RGS6: variants seen among roughly 807,000 people sequenced by gnomAD.
The protein encoded by RGS6 is regulator of G protein signaling 6.
RGS6 carries 30 observed loss-of-function variants against 78.5 expected under a neutral mutation model. That is an observed-to-expected ratio of 0.38 (90% confidence interval 0.29 to 0.52). The LOEUF is 0.52. Ranked by LOEUF, RGS6 falls within the 20% of genes least tolerant of loss-of-function variation. RGS6 has a pLI of 0.85. For missense variants in RGS6, 495 were observed against 609.7 expected, an observed-to-expected ratio of 0.81 and a Z score of 1.98; for synonymous variants, 206 against 206.0, an observed-to-expected ratio of 1.00 and a Z score of 0.00.
chr14:72,373,014 C>T (rs549903982), intron 3 of RGS6, among the ~76,000 whole-genome samples: 1 of 152,086 alleles, frequency 6.6e-6, no homozygotes, highest in Admixed American at 6.5e-5. Context: ...CTCCCCACCC[C>T]CAGGATCCCT....
chr14:72,492,582 G>T (rs558129942), intron 12 of RGS6, among the ~76,000 whole-genome samples: 1 of 152,162 alleles, frequency 6.6e-6, no homozygotes, highest in African/African-American at 2.4e-5. Context: ...GGGAGACGGG[G>T]GCAGGAGAGA....
chr14:72,400,036 A>T (rs1226196927), intron 3 of RGS6, among the ~76,000 whole-genome samples: 1 of 152,166 alleles, frequency 6.6e-6, no homozygotes, highest in Non-Finnish European at 1.5e-5. Context: ...CAATACAGAG[A>T]ATGCCACAAA....
At chr14:72,142,379 C>T (rs1193510955) in intron 2 of RGS6, among the ~76,000 whole-genome samples, 1 of 151,650 alleles carries the variant, frequency 6.6e-6, no homozygotes, top group Admixed American at 6.6e-5. Context: ...GTCTAAGTAC[C>T]TATGAATTAT....
intron 2 of RGS6, among the ~76,000 whole-genome samples, chr14:72,228,305 C>T (rs1425354641): frequency 6.6e-6 from 1 of 151,990 alleles, no homozygotes; most frequent in Non-Finnish European, 1.5e-5. Context: ...TCCTTGAACC[C>T]AGGAGGTGGA....
intron 2 of RGS6, among the ~76,000 whole-genome samples, chr14:72,145,430 G>A (rs1220763019): frequency 6.6e-6 from 1 of 152,132 alleles, no homozygotes; most frequent in Non-Finnish European, 1.5e-5. Flanking sequence ...GAAACAAGAT[G>A]GAGTAGGTTA....
chr14:72,185,606 G>A (rs1427362071), intron 2 of RGS6, among the ~76,000 whole-genome samples: 1 of 152,170 alleles, frequency 6.6e-6, no homozygotes, highest in East Asian at 1.9e-4. Flanking sequence ...TTGTGAAGTA[G>A]ATGTAACTGA....
intron 3 of RGS6, among the ~76,000 whole-genome samples, chr14:72,409,906 T>G (rs1041667788): frequency 6.6e-6 from 1 of 152,246 alleles, no homozygotes; most frequent in Non-Finnish European, 1.5e-5. Flanking sequence ...TCCTTTTTTA[T>G]GGCTGCATAG....
At chr14:71,946,511 G>A (rs2091543314) in intron 1 of RGS6, among the ~76,000 whole-genome samples, 1 of 152,102 alleles carries the variant, frequency 6.6e-6, no homozygotes, top group Admixed American at 6.5e-5. Flanking sequence ...ATTGGATATG[G>A]CTCCTGTGTT....
intron 2 of RGS6, among the ~76,000 whole-genome samples, chr14:71,971,082 T>C (rs538800211): frequency 1.2e-4 from 18 of 152,236 alleles, no homozygotes; most frequent in African/African-American, 3.9e-4. Flanking sequence ...GGAATAGAGC[T>C]AGACAGATGG....
chr14:72,624,951 T>C, the RGS6 span, among the ~76,000 whole-genome samples: 1 of 152,254 alleles, frequency 6.6e-6, no homozygotes, highest in Non-Finnish European at 1.5e-5. Context: ...TGTAATGTTA[T>C]CTGTGATTAT....
At chr14:72,359,630 ACACAGGGTACTC>A (rs2081076659) in intron 3 of RGS6, among the ~76,000 whole-genome samples, 1 of 152,206 alleles carries the variant, frequency 6.6e-6, no homozygotes, top group African/African-American at 2.4e-5. Flanking sequence ...AATTCCTAAA[ACACAGGGTACTC>A]CAATCTATAG....
intron 15 of RGS6, 44 bp from the exon 16 acceptor site, chr14:72,536,142 G>A: frequency 1.4e-6 from 2 of 1,418,728 alleles, no homozygotes; most frequent in South Asian, 1.2e-5. Context: ...TTTAGCACTG[G>A]TTGACAGCCC....
intron 3 of RGS6, among the ~76,000 whole-genome samples, chr14:72,417,393 T>G (rs1392768599): frequency 6.6e-6 from 1 of 152,162 alleles, no homozygotes; most frequent in African/African-American, 2.4e-5. Flanking sequence ...ATTAAGTGCA[T>G]TTGGGAGGAG....
At chr14:71,883,889 C>T in the RGS6 span, among the ~76,000 whole-genome samples, 3 of 140,652 alleles carry the variant, frequency 2.1e-5, no homozygotes, top group African/African-American at 7.3e-5. Context: ...AGAATTGCCC[C>T]CATCCTCCTT....
chr14:72,134,484 T>G (rs1249972067), intron 2 of RGS6, among the ~76,000 whole-genome samples: 1 of 152,038 alleles, frequency 6.6e-6, no homozygotes, highest in Non-Finnish European at 1.5e-5. Flanking sequence ...CTTTGTTTTA[T>G]GTACAGAAAT....
chr14:72,323,925 A>G (rs1328965460), intron 2 of RGS6, among the ~76,000 whole-genome samples: 2 of 145,676 alleles, frequency 1.4e-5, no homozygotes, highest in East Asian at 4.3e-4. Flanking sequence ...TAGTAGGTGT[A>G]TATATTTATG....
chr14:72,245,080 G>A (rs983919706), intron 2 of RGS6, among the ~76,000 whole-genome samples: 6 of 152,186 alleles, frequency 3.9e-5, no homozygotes, highest in East Asian at 1.9e-4. Context: ...AATTCTAAAC[G>A]ATATCAGCGT....
At chr14:72,420,299 G>C (rs1032397119) in intron 3 of RGS6, among the ~76,000 whole-genome samples, 1 of 152,216 alleles carries the variant, frequency 6.6e-6, no homozygotes, top group Non-Finnish European at 1.5e-5. Flanking sequence ...ATATTAGCCA[G>C]ATGCTAACTG....
At chr14:72,206,387 A>G (rs549512154) in intron 2 of RGS6, among the ~76,000 whole-genome samples, 62 of 152,310 alleles carry the variant, frequency 4.1e-4, no homozygotes, top group African/African-American at 1.5e-3. Flanking sequence ...TCGTAGAGCA[A>G]TATTTTAATA....
Sources: allele counts gnomAD v4.1 joint callset (sites outside exome capture counted in the v4.1 genomes callset), GRCh38; gene constraint gnomAD v4.1.1; transcripts MANE v1.5; gene names NCBI Gene and HGNC (gene_info 2026-07-23, HGNC 2026-07-21).